Variants in LINGO2 observed in about 807,000 individuals in gnomAD.
The protein encoded by LINGO2 is leucine-rich repeat and immunoglobulin-like domain-containing nogo receptor-interacting protein 2.
LINGO2 carries 14 observed loss-of-function variants against 30.6 expected under a neutral mutation model. That is an observed-to-expected ratio of 0.46 (90% confidence interval 0.30 to 0.72). LINGO2 has a LOEUF of 0.72. Among genes scored for constraint, LINGO2 ranks in the 30% least tolerant of loss-of-function variants. The pLI, the probability that LINGO2 is intolerant of heterozygous loss-of-function variation, is 0.07. For missense variants in LINGO2, 729 were observed against 751.7 expected, an observed-to-expected ratio of 0.97 and a Z score of 0.35; for synonymous variants, 317 against 288.5, an observed-to-expected ratio of 1.10 and a Z score of -1.00.
intron 1 of LINGO2, among the ~76,000 whole-genome samples, chr9:28,486,676 G>A (rs962051614): frequency 2.0e-5 from 3 of 151,016 alleles, no homozygotes; most frequent in Admixed American, 6.7e-5. Flanking sequence ...TAGTGCTCTC[G>A]TTCTATGAGG....
chr9:29,183,512 A>G, the LINGO2 span, among the ~76,000 whole-genome samples: 3 of 152,192 alleles, frequency 2.0e-5, no homozygotes, highest in African/African-American at 7.2e-5. Context: ...ATCTGAGGTT[A>G]AAACCTAAGA....
chr9:28,054,085 A>T (rs1225423586), intron 4 of LINGO2, among the ~76,000 whole-genome samples: 3 of 152,094 alleles, frequency 2.0e-5, no homozygotes, highest in Admixed American at 1.3e-4. Context: ...AGAAAGTGGG[A>T]TTCTGTGATG....
intron 4 of LINGO2, among the ~76,000 whole-genome samples, chr9:28,040,271 T>C (rs1824138490): frequency 6.6e-6 from 1 of 152,162 alleles, no homozygotes; most frequent in African/African-American, 2.4e-5. Flanking sequence ...TAATAGTTTA[T>C]CTTGAACAAT....
At chr9:28,230,301 A>G (rs1821312615) in intron 4 of LINGO2, among the ~76,000 whole-genome samples, 1 of 151,902 alleles carries the variant, frequency 6.6e-6, no homozygotes, top group Non-Finnish European at 1.5e-5. Context: ...CCACTAAGTA[A>G]GCTACTCAGA....
chr9:28,686,364 C>A, the LINGO2 span, among the ~76,000 whole-genome samples: 1 of 151,976 alleles, frequency 6.6e-6, no homozygotes, highest in Non-Finnish European at 1.5e-5. Flanking sequence ...ATTAAAGTGA[C>A]ATTTTAAAGT....
Position 28,061,975 on chromosome 9 carries a change from T to C in LINGO2, c.-86-49570A>G, listed in dbSNP as rs1290152365. Reference sequence around the variant, plus strand: ...TATTACTACCAATAATGATGAAATATATGTTTAGTTTTCAGTGGGAATAAA... The same window carrying C: ...TATTACTACCAATAATGATGAAATACATGTTTAGTTTTCAGTGGGAATAAA... On this transcript the variant is annotated intron_variant, in intron 4 of 5. Transcript: ENST00000379992. 2.0e-5 allele frequency among the ~76,000 whole-genome samples: 3 copies of C among 152,136 alleles called. No homozygotes were observed. In the South Asian group the frequency reaches 6.2e-4, roughly 31 times the overall value.
At chr9:28,035,598 T>C (rs10968295) in intron 4 of LINGO2, among the ~76,000 whole-genome samples, 16,862 of 152,246 alleles carry the variant, frequency 0.11, 1,181 homozygotes, top group South Asian at 0.26. Context: ...GTAAATGTTA[T>C]GCAGTTTTAT....
chr9:28,922,363 T>G, the LINGO2 span, among the ~76,000 whole-genome samples: 1 of 151,260 alleles, frequency 6.6e-6, no homozygotes, highest in Non-Finnish European at 1.5e-5. Context: ...ACAGTTACTC[T>G]GCAAAGAGTC....
the LINGO2 span, among the ~76,000 whole-genome samples, chr9:28,785,779 A>G: frequency 1.3e-5 from 2 of 152,202 alleles, no homozygotes; most frequent in African/African-American, 4.8e-5. Context: ...CAATAGCAAT[A>G]TATAAGCTGA....
chr9:28,318,941 G>A (rs1309149229), intron 3 of LINGO2, among the ~76,000 whole-genome samples: 1 of 152,102 alleles, frequency 6.6e-6, no homozygotes, highest in Admixed American at 6.6e-5. Context: ...GCTTAGAGAT[G>A]TTCAGCTGCT....
At chr9:28,369,776 C>G (rs1439587181) in intron 3 of LINGO2, among the ~76,000 whole-genome samples, 1 of 152,170 alleles carries the variant, frequency 6.6e-6, no homozygotes, top group Non-Finnish European at 1.5e-5. Flanking sequence ...AAAGATTTGA[C>G]AGGTGAAGAA....
intron 4 of LINGO2, among the ~76,000 whole-genome samples, chr9:28,070,245 A>G (rs1338608872): frequency 6.6e-6 from 1 of 152,182 alleles, no homozygotes; most frequent in East Asian, 1.9e-4. Flanking sequence ...TTAGTTTACC[A>G]GAAAACAAGT....
the LINGO2 span, among the ~76,000 whole-genome samples, chr9:28,678,880 T>A: frequency 1.3e-5 from 2 of 152,162 alleles, no homozygotes; most frequent in African/African-American, 4.8e-5. Context: ...TCATTACATA[T>A]TTATTTAATT....
intron 4 of LINGO2, among the ~76,000 whole-genome samples, chr9:28,274,757 G>T (rs1224221745): frequency 1.3e-5 from 2 of 152,104 alleles, no homozygotes; most frequent in Non-Finnish European, 2.9e-5. Flanking sequence ...CACCCCACAC[G>T]ATAGGGTGCT....
the LINGO2 span, among the ~76,000 whole-genome samples, chr9:29,117,073 T>C: frequency 6.6e-6 from 1 of 152,206 alleles, no homozygotes; most frequent in African/African-American, 2.4e-5. Flanking sequence ...AAGAATTATG[T>C]AACACAATTA....
intron 4 of LINGO2, among the ~76,000 whole-genome samples, chr9:28,019,845 C>T (rs1185311623): frequency 6.6e-6 from 1 of 152,126 alleles, no homozygotes; most frequent in Non-Finnish European, 1.5e-5. Flanking sequence ...TAACCTTTGG[C>T]AAATTCCCCT....
the LINGO2 span, among the ~76,000 whole-genome samples, chr9:28,795,702 G>A: frequency 0.37 from 56,928 of 151,860 alleles, 12,620 homozygotes; most frequent in Middle Eastern, 0.5. Context: ...ATTCTTGCCT[G>A]AGTAATCGGT....
intron 4 of LINGO2, among the ~76,000 whole-genome samples, chr9:28,091,315 T>C (rs1826078220): frequency 6.6e-6 from 1 of 152,152 alleles, no homozygotes; most frequent in Non-Finnish European, 1.5e-5. Context: ...CTTCAAACTA[T>C]ACTAGAAGGC....
intron 4 of LINGO2, among the ~76,000 whole-genome samples, chr9:28,271,641 G>C (rs945943321): frequency 6.6e-6 from 1 of 152,128 alleles, no homozygotes; most frequent in Non-Finnish European, 1.5e-5. Flanking sequence ...AGATGACAAT[G>C]GTTTCCACTG....
Sources: allele counts gnomAD v4.1 joint callset (sites outside exome capture counted in the v4.1 genomes callset), GRCh38; gene constraint gnomAD v4.1.1; transcripts MANE v1.5; gene names NCBI Gene and HGNC (gene_info 2026-07-23, HGNC 2026-07-21).